Variants in CADPS2 observed in about 807,000 individuals in gnomAD.
CADPS2 encodes the protein calcium-dependent secretion activator 2.
Under a neutral mutation model 172.5 loss-of-function variants are expected in CADPS2, and 93 were observed. That is an observed-to-expected ratio of 0.54 (90% CI 0.46 to 0.64). The LOEUF (loss-of-function observed/expected upper bound fraction) is 0.64, where lower values mean the gene tolerates loss of function less well. Among genes scored for constraint, CADPS2 ranks in the 30% least tolerant of loss-of-function variants. CADPS2 has a pLI of 0.00. For synonymous variants in CADPS2, 546 were observed against 555.2 expected, an observed-to-expected ratio of 0.98 and a Z score of 0.23; for missense variants, 1,420 against 1,565.9, an observed-to-expected ratio of 0.91 and a Z score of 1.57.
At chr7:122,637,465 T>C (rs2077193114) in intron 3 of CADPS2, among the ~76,000 whole-genome samples, 1 of 152,184 alleles carries the variant, frequency 6.6e-6, no homozygotes, top group African/African-American at 2.4e-5. Context: ...CCACTGTGCC[T>C]GGACTATTAT....
chr7:122,593,650 GA>G (rs946342177), intron 6 of CADPS2, among the ~76,000 whole-genome samples: 4 of 151,854 alleles, frequency 2.6e-5, no homozygotes, highest in Non-Finnish European at 4.4e-5. Flanking sequence ...ATATCTACCT[GA>G]AAAAATTGAC....
chr7:122,773,603 A>AATT (rs1475311322), intron 1 of CADPS2, among the ~76,000 whole-genome samples: 1 of 152,066 alleles, frequency 6.6e-6, no homozygotes, highest in African/African-American at 2.4e-5. Flanking sequence ...GGCTTCCTAA[A>AATT]AGAGCTGTAG....
Position 122,665,330 on chromosome 7 carries a change from T to C in CADPS2, c.454-1761A>G, listed in dbSNP as rs183252293. Among the ~76,000 whole-genome samples the C allele has an allele frequency of 4.8e-3, 728 of 152,206 alleles. 22 individuals carry two copies. The highest frequency in any genetic ancestry group is 1.9e-3 in the Admixed American group (29 of 15,286). On this transcript the variant is annotated intron_variant, in intron 2 of 29. Coordinates refer to ENST00000449022, the MANE Select transcript of CADPS2 (RefSeq NM_017954.11). ...TCTTAAGGTCACTCACACAAACTGT[T>C]TTTCTTGTTTCCTATCTTTACTCAA...
At chr7:122,872,839 T>C (rs1424742001) in intron 1 of CADPS2, among the ~76,000 whole-genome samples, 1 of 152,120 alleles carries the variant, frequency 6.6e-6, no homozygotes, top group Non-Finnish European at 1.5e-5. Flanking sequence ...AACAACTTTG[T>C]AAACTAAAGT....
chr7:122,742,490 CA>C (rs2092535719), intron 1 of CADPS2, among the ~76,000 whole-genome samples: 2 of 152,166 alleles, frequency 1.3e-5, no homozygotes, highest in South Asian at 2.1e-4. Context: ...AAACTCACTA[CA>C]ATAGCAATGT....
intron 1 of CADPS2, among the ~76,000 whole-genome samples, chr7:122,850,665 G>A (rs1813317474): frequency 6.6e-6 from 1 of 152,136 alleles, no homozygotes; most frequent in African/African-American, 2.4e-5. Context: ...AACTCTGGGG[G>A]TCCCCCATCC....
chr7:122,761,709 T>C (rs974193249), intron 1 of CADPS2, among the ~76,000 whole-genome samples: 21 of 151,382 alleles, frequency 1.4e-4, no homozygotes, highest in African/African-American at 5.1e-4. Flanking sequence ...AAATTAAAAA[T>C]GTAGGCCAGG....
intron 1 of CADPS2, among the ~76,000 whole-genome samples, chr7:122,839,885 A>G (rs572503834): frequency 1.3e-5 from 2 of 152,316 alleles, no homozygotes; most frequent in Admixed American, 6.5e-5. Flanking sequence ...TTCCTCAAGG[A>G]TCTAAAACTA....
At chr7:122,699,245 G>A (rs1332156500) in intron 2 of CADPS2, 2 of 212,144 alleles carry the variant, frequency 9.4e-6, no homozygotes, top group Admixed American at 1.0e-4. Flanking sequence ...TGGCTTAAAT[G>A]CTGTTATGGG....
At chr7:122,386,928 G>A in intron 24 of CADPS2, 98 bp downstream of exon 24, 1 of 1,267,860 alleles carries the variant, frequency 7.9e-7, no homozygotes, top group Non-Finnish European at 1.1e-6. Flanking sequence ...AGAGAACTTG[G>A]TCTTTTCAAT....
chr7:122,653,340 T>C (rs1376118556), intron 3 of CADPS2, among the ~76,000 whole-genome samples: 1 of 152,174 alleles, frequency 6.6e-6, no homozygotes, highest in East Asian at 1.9e-4. Flanking sequence ...ATGGAGAAGG[T>C]GGGGTAAATC....
chr7:122,608,751 G>A (rs575881463), intron 6 of CADPS2, among the ~76,000 whole-genome samples: 6 of 152,258 alleles, frequency 3.9e-5, no homozygotes, highest in African/African-American at 9.6e-5. Flanking sequence ...GACAGAGAGG[G>A]TGGCAAAAAC....
At chr7:122,449,223 G>C (rs991856375) in intron 15 of CADPS2, among the ~76,000 whole-genome samples, 1 of 151,962 alleles carries the variant, frequency 6.6e-6, no homozygotes, top group East Asian at 1.9e-4. Context: ...GGGTCTCAAC[G>C]GTAGCAAAAA....
Position 122,347,953 on chromosome 7 carries a change from C to T in CADPS2, c.3505-2272G>A, listed in dbSNP as rs147287270. On this transcript the variant is annotated intron_variant, in intron 27 of 29. Transcript: ENST00000449022. ...AGTGACATGAGAACAATTTTCAATA[C>T]ACAATAGCAAGTTAACTCAGTATCT... 2.2e-3 allele frequency among the ~76,000 whole-genome samples: 330 copies of T among 152,284 alleles called. 2 individuals are homozygous for T. In the East Asian group the frequency reaches 0.031, roughly 14 times the overall value.
chr7:122,463,750 T>C (rs1218091051), intron 14 of CADPS2, among the ~76,000 whole-genome samples: 1 of 152,182 alleles, frequency 6.6e-6, no homozygotes, highest in African/African-American at 2.4e-5. Flanking sequence ...CTGAAAGGTT[T>C]TGTAGACAAG....
intron 3 of CADPS2, among the ~76,000 whole-genome samples, chr7:122,659,944 T>C (rs1413807708): frequency 6.6e-6 from 1 of 152,076 alleles, no homozygotes; most frequent in African/African-American, 2.4e-5. Flanking sequence ...ACAAGGACTT[T>C]CTCAAACAAA....
chr7:122,840,569 G>T lies in CADPS2; in HGVS notation c.339+45430C>A, dbSNP rs1045683050. Among the ~76,000 whole-genome samples, 117 of 117,822 alleles carry T rather than the reference G, an allele frequency of 9.9e-4. 1 individual carries two copies. Among genetic ancestry groups the T allele is most frequent in the Admixed American group, 7.5e-4 (9 of 11,982 alleles). The allele number at this position is 117,822 out of a possible 152,430, so 77.3% of individuals were successfully genotyped here. Reference sequence around the variant, plus strand: ...TTTTAAATGCAAAAAAAAAAAAAAAGAAAAGCCATCAAATCAGCAAGAAAA... The same window carrying T: ...TTTTAAATGCAAAAAAAAAAAAAAATAAAAGCCATCAAATCAGCAAGAAAA... On this transcript the variant is annotated intron_variant, in intron 1 of 29. Coordinates refer to ENST00000449022, the MANE Select transcript of CADPS2 (RefSeq NM_017954.11).
chr7:122,860,056 A>C (rs560655932), intron 1 of CADPS2, among the ~76,000 whole-genome samples: 1 of 152,276 alleles, frequency 6.6e-6, no homozygotes, highest in East Asian at 1.9e-4. Context: ...TCTGGGATTT[A>C]TAAGTGCACT....
chr7:122,372,058 C>G (rs2041837628), intron 25 of CADPS2, among the ~76,000 whole-genome samples: 1 of 152,132 alleles, frequency 6.6e-6, no homozygotes, highest in Admixed American at 6.5e-5. Flanking sequence ...TCTGTATTAA[C>G]ATACTTACTA....
Sources: gnomAD v4.1 joint callset for allele counts (sites outside exome capture counted in the v4.1 genomes callset) on GRCh38, gnomAD v4.1.1 for gene constraint, MANE v1.5 for transcripts, NCBI Gene and HGNC (gene_info 2026-07-23, HGNC 2026-07-21) for gene names.